Variants in TET3 observed in about 807,000 individuals in gnomAD.
The protein encoded by TET3 is tet methylcytosine dioxygenase 3.
A neutral mutation model predicts 141.4 loss-of-function variants in TET3; 19 were observed. The observed-to-expected ratio is 0.13, with a 90% CI of 0.09 to 0.20. The LOEUF (loss-of-function observed/expected upper bound fraction) is 0.20, where lower values mean the gene tolerates loss of function less well. TET3 is among the 10% of genes least tolerant of loss of function. The probability of loss-of-function intolerance (pLI) is 1.00; values close to 1 mark genes in which losing one functional copy is unlikely to be tolerated. For missense variants in TET3, 1,874 were observed against 2,356.9 expected (o/e 0.80, Z 4.24); for synonymous variants, 1,043 against 980.9 (o/e 1.06, Z -1.18).
At chr2:74,007,646 C>T (rs1227485161) in intron 3 of TET3, among the ~76,000 whole-genome samples, 1 of 152,140 alleles carries the variant, frequency 6.6e-6, no homozygotes, top group East Asian at 1.9e-4. Context: ...TAGTTTCCTT[C>T]CACTCTGTTT....
chr2:74,135,469 A>G, the TET3 span: 6 of 1,375,186 alleles, frequency 4.4e-6, no homozygotes, highest in Non-Finnish European at 6.2e-6. Flanking sequence ...ATCTTCTATA[A>G]TTATAATATG....
chr2:74,009,686 T>C (rs889659668), intron 3 of TET3, among the ~76,000 whole-genome samples: 1 of 152,204 alleles, frequency 6.6e-6, no homozygotes, highest in African/African-American at 2.4e-5. Flanking sequence ...TCCTGCCCCT[T>C]GTGCTTTGAT....
intron 2 of TET3, among the ~76,000 whole-genome samples, chr2:73,995,247 A>T (rs1271140684): frequency 6.6e-6 from 1 of 152,262 alleles, no homozygotes; most frequent in Non-Finnish European, 1.5e-5. Context: ...GGCGTGAGCC[A>T]CTGTGCCTGG....
At chr2:74,043,420 G>T (rs1326005495) in intron 3 of TET3, among the ~76,000 whole-genome samples, 1 of 152,184 alleles carries the variant, frequency 6.6e-6, no homozygotes, top group East Asian at 1.9e-4. Flanking sequence ...TTTGGACCCT[G>T]CCTGCCTGGA....
chr2:74,127,766 G>A, the TET3 span, among the ~76,000 whole-genome samples: 4 of 152,060 alleles, frequency 2.6e-5, no homozygotes, highest in African/African-American at 9.7e-5. Context: ...ATAGGGCACG[G>A]GAGAAGGGGT....
At position 74,104,896 on chromosome 2, in the gene TET3, G is replaced by T; in HGVS notation, c.*2720G>T. On this transcript the variant is annotated 3_prime_UTR_variant, in exon 12 of 12. Coordinates refer to ENST00000409262, the MANE Select transcript of TET3 (RefSeq NM_001287491.2). Reference sequence around the variant, plus strand: ...TGGATGTCCCCACTCCCCGCAGAATGGCGTTTCCAGAGTTAGGCGGTGTGG... The same window carrying T: ...TGGATGTCCCCACTCCCCGCAGAATTGCGTTTCCAGAGTTAGGCGGTGTGG... The T allele has an allele frequency of 3.0e-6, 1 of 329,076 alleles. No homozygotes were observed. The highest frequency in any genetic ancestry group is 5.5e-6 in the Non-Finnish European group (1 of 183,460). 20.4% of individuals were successfully genotyped at this position (329,076 alleles called of 1,614,324 possible).
intron 10 of TET3, among the ~76,000 whole-genome samples, chr2:74,094,679 G>A (rs1427768150): frequency 6.6e-6 from 1 of 152,124 alleles, no homozygotes; most frequent in Non-Finnish European, 1.5e-5. Flanking sequence ...AGGTGCTGAT[G>A]GGACAGATTT....
intron 4 of TET3, among the ~76,000 whole-genome samples, chr2:74,059,037 T>C (rs1688361145): frequency 6.6e-6 from 1 of 152,220 alleles, no homozygotes; most frequent in Admixed American, 6.5e-5. Flanking sequence ...GCCTAAGATG[T>C]GTGCTGTCTG....
chr2:74,081,621 G>A (rs1332693081), intron 6 of TET3, among the ~76,000 whole-genome samples: 3 of 152,206 alleles, frequency 2.0e-5, no homozygotes, highest in Non-Finnish European at 4.4e-5. Flanking sequence ...GAGAGGCTGG[G>A]TGGACAGACC....
rs113467129 is a variant in TET3, at chr2:74,101,522, C to T, written c.4734C>T (p.Ala1578=). 2,618 of 1,611,846 alleles carry T rather than the reference C, an allele frequency of 1.6e-3. 40 individuals carry two copies. The African/African-American group carries it at 0.03, about 18-fold the overall frequency. The change falls in exon 12 of 12, where the codon GCC becomes GCT. Residue 1578 remains alanine, a synonymous_variant. Coordinates refer to ENST00000409262, the MANE Select transcript of TET3 (RefSeq NM_001287491.2). The surrounding 1 kb of genome is among the most constrained non-coding windows in gnomAD (Gnocchi z 8.5). Reference sequence around the variant, plus strand: ...CAGGGGCCAGCCAGCTGGACAGGGCCTGGCAGTCCTTTGGTCTGCCCCTGG... The same window carrying T: ...CAGGGGCCAGCCAGCTGGACAGGGCTTGGCAGTCCTTTGGTCTGCCCCTGG... ...PAAGASQLDR[A]WQSFGLPLGS... is the part of the protein sequence containing the mutation.
intron 10 of TET3, among the ~76,000 whole-genome samples, chr2:74,097,080 AGACC>A (rs1690877931): frequency 6.6e-6 from 1 of 150,992 alleles, no homozygotes; most frequent in Non-Finnish European, 1.5e-5. Flanking sequence ...CAATAGAGTA[AGACC>A]TTATCTCAAA....
intron 2 of TET3, among the ~76,000 whole-genome samples, chr2:74,000,736 A>G (rs1558698860): frequency 1.3e-5 from 2 of 152,188 alleles, no homozygotes. Context: ...ATTCTAGCCC[A>G]CCACTCACCA....
intron 3 of TET3, among the ~76,000 whole-genome samples, chr2:74,020,994 T>A (rs1686009709): frequency 6.6e-6 from 1 of 152,220 alleles, no homozygotes; most frequent in African/African-American, 2.4e-5. Flanking sequence ...TAGAAATGCT[T>A]CTCTGGCTCC....
intron 3 of TET3, among the ~76,000 whole-genome samples, chr2:74,040,134 C>A (rs906507464): frequency 6.6e-6 from 1 of 152,088 alleles, no homozygotes; most frequent in African/African-American, 2.4e-5. Context: ...AAGATTGAAG[C>A]CAGGGTGGAC....
In TET3 at chr2:74,100,695, C is replaced by T; in HGVS notation, c.3907C>T (p.Pro1303Ser). ...CGTCTTCCCCTCTCAGTTCCTGGGT[C>T]CTGGTGCCTGGGGGCACAGTGGCAG... The part of the protein sequence containing the change: ...NPVFPSQFLG[P>S]GAWGHSGSSG... Residue 1303 changes from proline (P) to serine (S), a missense_variant, in exon 12 of 12, where the codon CCT (proline) becomes TCT (serine). Around this residue, in one of 10 missense-constraint regions of TET3, gnomAD observed 602 missense variants for 590.2 expected, o/e 1.02. Transcript: ENST00000409262. 6.2e-7 allele frequency: 1 copy of T among 1,614,032 alleles called. No individual in the cohort carries two copies. Among genetic ancestry groups the T allele is most frequent in the South Asian group, 1.1e-5 (1 of 91,078 alleles).
At chr2:74,011,082 TCTGGGTGCGGTG>T (rs1685403979) in intron 3 of TET3, among the ~76,000 whole-genome samples, 1 of 151,824 alleles carries the variant, frequency 6.6e-6, no homozygotes, top group African/African-American at 2.4e-5. Context: ...CTAAAAATTA[TCTGGGTGCGGTG>T]GTGGGTGCCC....
At chr2:74,041,935 C>G (rs1395289111) in intron 3 of TET3, among the ~76,000 whole-genome samples, 1 of 152,202 alleles carries the variant, frequency 6.6e-6, no homozygotes, top group African/African-American at 2.4e-5. Context: ...AGCCTGTTGA[C>G]CTTTTGGCAC....
chr2:74,101,937 G>A lies in TET3; in HGVS notation c.5149G>A (p.Ala1717Thr). The A allele has an allele frequency of 6.2e-7, 1 of 1,613,234 alleles. No individual in the cohort carries two copies. Among genetic ancestry groups the A allele is most frequent in the Non-Finnish European group, 8.5e-7 (1 of 1,179,618 alleles). ...ALWEAKMKQL[A>T]ERARARQEEA... ...CTGGGAAGCCAAGATGAAGCAGCTGGCGGAGAGGGCACGGGCACGGCAGGA... is the reference window on the plus strand; with the variant it reads ...CTGGGAAGCCAAGATGAAGCAGCTGACGGAGAGGGCACGGGCACGGCAGGA... Residue 1717 changes from alanine (A) to threonine (T), a missense_variant, in exon 12 of 12, where the codon GCG becomes ACG. Transcript: ENST00000409262. This position sits in a 1 kb window ranked among gnomAD's most constrained non-coding sequence, Gnocchi z 8.5.
At chr2:74,050,063 G>A (rs1461953157) in intron 4 of TET3, among the ~76,000 whole-genome samples, 1 of 152,124 alleles carries the variant, frequency 6.6e-6, no homozygotes. Context: ...TTAGCACCTC[G>A]TTTCTCCTTC....
Sources: allele counts gnomAD v4.1 joint callset (sites outside exome capture counted in the v4.1 genomes callset), GRCh38; gene constraint gnomAD v4.1.1; regional missense constraint gnomAD v4.1.1; non-coding constraint Gnocchi (gnomAD v3.1); transcripts MANE v1.5; gene names NCBI Gene and HGNC (gene_info 2026-07-23, HGNC 2026-07-21).